IMMP2L: variants seen among roughly 807,000 people sequenced by gnomAD.
The protein encoded by IMMP2L is inner mitochondrial membrane peptidase subunit 2, also known as mitochondrial inner membrane protease subunit 2.
IMMP2L carries 18 observed loss-of-function variants against 19.3 expected under a neutral mutation model. That is an observed-to-expected ratio of 0.93 (90% CI 0.64 to 1.38). The LOEUF is 1.38. Ranked by LOEUF, IMMP2L falls within the 40% of genes most tolerant of loss-of-function variation. The pLI is 0.00. For missense variants in IMMP2L, 233 were observed against 218.2 expected, an observed-to-expected ratio of 1.07 and a Z score of -0.43; for synonymous variants, 76 against 73.0, an observed-to-expected ratio of 1.04 and a Z score of -0.21.
At chr7:110,982,070 A>G (rs1401873885) in intron 3 of IMMP2L, among the ~76,000 whole-genome samples, 1 of 152,156 alleles carries the variant, frequency 6.6e-6, no homozygotes. Flanking sequence ...AGACTTTTTA[A>G]ATGTTCCAAT....
intron 3 of IMMP2L, among the ~76,000 whole-genome samples, chr7:111,306,612 GT>G (rs1822901891): frequency 9.5e-5 from 1 of 10,582 alleles, no homozygotes; most frequent in African/African-American, 3.1e-4. Context: ...GACTCTGTGT[GT>G]GTGTGTGTGT....
chr7:111,458,854 T>C (rs1159638289), intron 3 of IMMP2L, among the ~76,000 whole-genome samples: 2 of 152,202 alleles, frequency 1.3e-5, no homozygotes, highest in African/African-American at 4.8e-5. Flanking sequence ...TATGTCTCCT[T>C]GAATGACTGG....
chr7:111,477,452 T>A (rs942192054), intron 3 of IMMP2L, among the ~76,000 whole-genome samples: 11 of 152,214 alleles, frequency 7.2e-5, no homozygotes, highest in African/African-American at 2.2e-4. Context: ...TTTCATTTTT[T>A]AAGAATATTT....
intron 3 of IMMP2L, among the ~76,000 whole-genome samples, chr7:111,305,062 G>C (rs1381506568): frequency 6.6e-6 from 1 of 152,168 alleles, no homozygotes; most frequent in African/African-American, 2.4e-5. Context: ...TGTATGAATA[G>C]AGAAACTTTG....
intron 3 of IMMP2L, among the ~76,000 whole-genome samples, chr7:110,998,564 G>C (rs1585665354): frequency 2.0e-5 from 3 of 152,278 alleles, no homozygotes; most frequent in African/African-American, 7.2e-5. Flanking sequence ...TATGTACGCT[G>C]CTCTTTTGAA....
intron 3 of IMMP2L, among the ~76,000 whole-genome samples, chr7:111,278,205 T>G (rs933830700): frequency 6.6e-6 from 1 of 152,196 alleles, no homozygotes; most frequent in South Asian, 2.1e-4. Flanking sequence ...AAACTTGCAC[T>G]TGTATCCCCA....
chr7:110,997,433 T>G (rs1209089662), intron 3 of IMMP2L, among the ~76,000 whole-genome samples: 1 of 152,094 alleles, frequency 6.6e-6, no homozygotes, highest in Non-Finnish European at 1.5e-5. Flanking sequence ...TGCTGGGTTA[T>G]ATGGTCAAAT....
At position 110,727,049 on chromosome 7, in the gene IMMP2L, C is replaced by T. The variant is rs1032278476; in HGVS notation, c.409-63328G>A. On this transcript the variant is annotated intron_variant, in intron 5 of 5. Coordinates refer to ENST00000405709, the MANE Select transcript of IMMP2L (RefSeq NM_032549.4). This position sits in a 1 kb window ranked among gnomAD's most constrained non-coding sequence, Gnocchi z 4.3. ...TCCTTAGGCATTAAATAATTGCAGA[C>T]GGCAGAGTCAATAAAAGCATTCAGA... 6.6e-6 allele frequency among the ~76,000 whole-genome samples: 1 copy of T among 152,140 alleles called. No individual in the cohort carries two copies. The highest frequency in any genetic ancestry group is 1.5e-5 in the Non-Finnish European group (1 of 68,024).
chr7:110,702,110 T>A (rs932368494), intron 5 of IMMP2L, among the ~76,000 whole-genome samples: 2 of 151,584 alleles, frequency 1.3e-5, no homozygotes, highest in African/African-American at 4.9e-5. Flanking sequence ...TTTTTTTGTA[T>A]GTTTTGTAGA....
rs2894580 is a variant in IMMP2L, at chr7:110,896,479, T to A, written c.306-9784A>T. Reference sequence around the variant, plus strand: ...GTATAATTTTATTTTTCAAAAAAAATATTTATCCATTTTCAATTGGATTGT... The same window carrying A: ...GTATAATTTTATTTTTCAAAAAAAAAATTTATCCATTTTCAATTGGATTGT... On this transcript the variant is annotated intron_variant, in intron 4 of 5. Coordinates refer to ENST00000405709, the MANE Select transcript of IMMP2L (RefSeq NM_032549.4). Among the ~76,000 whole-genome samples the A allele has an allele frequency of 7.3e-5, 2 of 27,440 alleles. 1 individual carries two copies. The highest frequency in any genetic ancestry group is 6.4e-3 in the South Asian group (2 of 314). The allele number at this position is 27,440 out of a possible 152,430, so 18.0% of individuals were successfully genotyped here.
intron 5 of IMMP2L, among the ~76,000 whole-genome samples, chr7:110,790,821 C>T (rs1335678067): frequency 6.6e-6 from 1 of 151,694 alleles, no homozygotes; most frequent in Non-Finnish European, 1.5e-5. Flanking sequence ...TTCTTTGATT[C>T]TCAGAATGTC....
intron 3 of IMMP2L, among the ~76,000 whole-genome samples, chr7:111,468,950 G>A (rs1001417595): frequency 6.6e-6 from 1 of 152,110 alleles, no homozygotes; most frequent in African/African-American, 2.4e-5. Flanking sequence ...TTGGGTTTGA[G>A]AAGTCTGAGG....
chr7:110,830,329 G>A (rs1293572599), intron 5 of IMMP2L, among the ~76,000 whole-genome samples: 1 of 152,000 alleles, frequency 6.6e-6, no homozygotes, highest in East Asian at 1.9e-4. Context: ...GTTCTCCAAA[G>A]GCTGTGGCTA....
chr7:111,001,886 A>T (rs1233512125), intron 3 of IMMP2L, among the ~76,000 whole-genome samples: 19 of 152,172 alleles, frequency 1.2e-4, no homozygotes, highest in Non-Finnish European at 1.5e-5. Flanking sequence ...ACAATTAGAG[A>T]CAGAGAACTC....
At chr7:110,983,171 T>C (rs575146614) in intron 3 of IMMP2L, among the ~76,000 whole-genome samples, 1 of 152,166 alleles carries the variant, frequency 6.6e-6, no homozygotes, top group South Asian at 2.1e-4. Flanking sequence ...AAAGAAGTTA[T>C]TGGCTATTAT....
At chr7:110,779,991 T>C (rs1046564817) in intron 5 of IMMP2L, among the ~76,000 whole-genome samples, 20 of 152,008 alleles carry the variant, frequency 1.3e-4, no homozygotes, top group South Asian at 8.3e-4. Flanking sequence ...ACAACCTTTT[T>C]AGCACGGGTA....
intron 3 of IMMP2L, among the ~76,000 whole-genome samples, chr7:111,182,918 C>A (rs1021285943): frequency 1.3e-5 from 2 of 151,998 alleles, no homozygotes; most frequent in African/African-American, 4.8e-5. Context: ...TTTGTACTAT[C>A]ATTGGAATGC....
At chr7:111,141,247 T>C (rs911053441) in intron 3 of IMMP2L, among the ~76,000 whole-genome samples, 2 of 152,002 alleles carry the variant, frequency 1.3e-5, no homozygotes, top group Admixed American at 6.5e-5. Context: ...AAGTCTTTGA[T>C]ACAATTTAAT....
chr7:111,163,895 G>A (rs191655653), intron 3 of IMMP2L, among the ~76,000 whole-genome samples: 1,795 of 152,110 alleles, frequency 0.012, 12 homozygotes, highest in South Asian at 0.033. Flanking sequence ...AACTACAGAT[G>A]TAAAGACTAG....
Sources: gnomAD v4.1 joint callset for allele counts (sites outside exome capture counted in the v4.1 genomes callset) on GRCh38, gnomAD v4.1.1 for gene constraint, Gnocchi (gnomAD v3.1) non-coding constraint, MANE v1.5 for transcripts, NCBI Gene and HGNC (gene_info 2026-07-23, HGNC 2026-07-21) for gene names.